Variants in PI4KA observed in about 807,000 individuals in gnomAD.
PI4KA encodes the protein PI4-kinase alpha.
In PI4KA, 122 loss-of-function variants were observed where a neutral mutation model predicts 271.4. That is an observed-to-expected ratio of 0.45 (90% CI 0.39 to 0.52). The LOEUF (loss-of-function observed/expected upper bound fraction) is 0.52. PI4KA is among the 20% of genes least tolerant of loss of function. The pLI is 0.00. For missense variants in PI4KA, 1,969 were observed against 2,769.1 expected, an observed-to-expected ratio of 0.71 and a Z score of 6.48; for synonymous variants, 1,041 against 1,078.8, an observed-to-expected ratio of 0.96 and a Z score of 0.69.
chr22:20,715,745 G>A (rs1293115325), intron 45 of PI4KA, among the ~76,000 whole-genome samples: 1 of 151,956 alleles, frequency 6.6e-6, no homozygotes, highest in Non-Finnish European at 1.5e-5. Context: ...AAAGTGCTGG[G>A]ATTAAGGCAT....
chr22:20,790,380 G>A (rs1456826349), intron 19 of PI4KA, among the ~76,000 whole-genome samples: 4 of 152,014 alleles, frequency 2.6e-5, no homozygotes, highest in African/African-American at 4.8e-5. Flanking sequence ...AAATAAGTAG[G>A]CCAGGAGTGG....
intron 2 of PI4KA, among the ~76,000 whole-genome samples, chr22:20,834,940 G>T (rs1924667537): frequency 1.3e-5 from 2 of 152,186 alleles, no homozygotes; most frequent in East Asian, 3.9e-4. Context: ...GGCCTCTTCT[G>T]GGGGCTGGGC....
chr22:20,824,172 C>T (rs1923076664), intron 4 of PI4KA, among the ~76,000 whole-genome samples, 154 bp downstream of exon 4: 1 of 151,250 alleles, frequency 6.6e-6, no homozygotes, highest in African/African-American at 2.4e-5. Flanking sequence ...AGTGAAAGAC[C>T]TAAGCATGTC....
chr22:20,852,096 C>G (rs543625053), intron 1 of PI4KA, among the ~76,000 whole-genome samples: 1 of 152,172 alleles, frequency 6.6e-6, no homozygotes, highest in Admixed American at 6.5e-5. Flanking sequence ...TGCACTCCAG[C>G]CTGGGTGACA....
chr22:20,799,485 C>G (rs1334581068), intron 15 of PI4KA, among the ~76,000 whole-genome samples, 186 bp downstream of exon 15: 3 of 152,176 alleles, frequency 2.0e-5, no homozygotes, highest in Admixed American at 1.3e-4. Flanking sequence ...TCGACTTCCA[C>G]ACAGTGGTCC....
intron 23 of PI4KA, among the ~76,000 whole-genome samples, chr22:20,758,403 G>T (rs1931562179): frequency 1.5e-5 from 2 of 134,258 alleles, no homozygotes; most frequent in African/African-American, 2.8e-5. Flanking sequence ...GAGATTCTGT[G>T]TCTTAAATGT....
chr22:20,708,203 C>T, intron 54 of PI4KA, 105 bp from the exon 55 acceptor site: 1 of 869,542 alleles, frequency 1.2e-6, no homozygotes, highest in Non-Finnish European at 2.0e-6. Flanking sequence ...TATGGCTGCC[C>T]AGCACCTGAA....
intron 7 of PI4KA, among the ~76,000 whole-genome samples, chr22:20,814,493 T>C (rs975467859): frequency 2.0e-5 from 3 of 152,206 alleles, no homozygotes; most frequent in African/African-American, 7.2e-5. Context: ...CTCATGCCTA[T>C]AAACCCAGAG....
At chr22:20,831,173 AG>A (rs1924111770) in intron 3 of PI4KA, among the ~76,000 whole-genome samples, 1 of 152,202 alleles carries the variant, frequency 6.6e-6, no homozygotes, top group African/African-American at 2.4e-5. Context: ...GAAATCCCTT[AG>A]CATGTGCTTG....
At chr22:20,858,025 A>AT (rs1311482708) in intron 1 of PI4KA, among the ~76,000 whole-genome samples, 1 of 152,168 alleles carries the variant, frequency 6.6e-6, no homozygotes, top group African/African-American at 2.4e-5. Context: ...GCCTCGTAGA[A>AT]TAACACTGCG....
chr22:20,787,783 A>G (rs1210300903), intron 19 of PI4KA: 2 of 155,956 alleles, frequency 1.3e-5, no homozygotes, highest in African/African-American at 4.8e-5. Context: ...AAATTCCTGG[A>G]TAACTCCAGG....
chr22:20,780,397 T>C (rs1159801798), intron 19 of PI4KA, among the ~76,000 whole-genome samples: 1 of 152,246 alleles, frequency 6.6e-6, no homozygotes, highest in Non-Finnish European at 1.5e-5. Context: ...GCCCTAACTC[T>C]GTGCTTTAAC....
At chr22:20,812,514 A>G (rs1019556166) in intron 8 of PI4KA, among the ~76,000 whole-genome samples, 1 of 152,052 alleles carries the variant, frequency 6.6e-6, no homozygotes, top group African/African-American at 2.4e-5. Context: ...GTCTTGAACC[A>G]TCCTAGCTTG....
intron 6 of PI4KA, among the ~76,000 whole-genome samples, chr22:20,818,986 G>T (rs1047127416): frequency 1.3e-5 from 2 of 152,218 alleles, no homozygotes; most frequent in African/African-American, 4.8e-5. Flanking sequence ...GGCGACAAAG[G>T]AATGAGAAGA....
rs1187564633 is a variant in PI4KA at position 20,796,227 on chromosome 22, G to C, written c.2196C>G (p.Asn732Lys). The change falls in exon 18 of 55, where the codon AAC (asparagine) becomes AAG (lysine). Residue 732 changes from asparagine (N) to lysine (K), a missense_variant. By Grantham distance (94) the Asn-to-Lys change is moderately conservative. Around this residue, in one of 13 missense-constraint regions of PI4KA, gnomAD observed 368 missense variants for 544.3 expected, o/e 0.68. Transcript: ENST00000255882. ...CCAGCTGCACAAACAACTCCAACAG[G>C]TTCATGAGCAGCTCATCCACCAGGT... is the stretch of plus-strand genomic sequence containing the variant. ...DEHLVDELLM[N>K]LLELFVQLGL... 5 of 1,614,094 alleles carry C rather than the reference G, an allele frequency of 3.1e-6. No homozygotes were observed. The South Asian group carries it at 5.5e-5, about 18-fold the overall frequency.
intron 41 of PI4KA, among the ~76,000 whole-genome samples, chr22:20,726,786 A>G (rs930042012): frequency 6.6e-6 from 1 of 152,200 alleles, no homozygotes; most frequent in African/African-American, 2.4e-5. Context: ...AGCCTGCCTC[A>G]GGGAATGGTC....
At position 20,819,686 on chromosome 22, in the gene PI4KA, C is replaced by G. The variant is rs1429021198; in HGVS notation, c.744G>C (p.Glu248Asp). 5.0e-6 allele frequency: 8 copies of G among 1,614,024 alleles called. No homozygotes were observed. The highest frequency in any genetic ancestry group is 4.5e-5 in the East Asian group (2 of 44,880). The change falls in exon 6 of 55, where the codon GAG becomes GAC. Residue 248 changes from glutamate (E) to aspartate (D), a missense_variant. Glu to Asp is a conservative substitution (Grantham distance 45, BLOSUM62 2). Around this residue, in one of 13 missense-constraint regions of PI4KA, gnomAD observed 540 missense variants for 555.5 expected, o/e 0.97. Coordinates refer to ENST00000255882, the MANE Select transcript of PI4KA (RefSeq NM_058004.4). ...TGCTGGTTTTCCTCTTCAGGGTACC[C>G]TCCTGACAGACAGTCAGCAGATTGC... ...LPSNLLTVCQ[E>D]GTLKRKTSSV...
intron 19 of PI4KA, chr22:20,779,164 C>T: frequency 1.3e-6 from 2 of 1,547,480 alleles, no homozygotes; most frequent in East Asian, 2.4e-5. Context: ...GTCCATGATC[C>T]TAAAACAGTT....
At chr22:20,836,045 C>A (rs1368503832) in intron 2 of PI4KA, among the ~76,000 whole-genome samples, 1 of 113,530 alleles carries the variant, frequency 8.8e-6, no homozygotes, top group South Asian at 2.7e-4. Context: ...GAGAGAGACT[C>A]CATTTCAAAA....
Sources: allele counts gnomAD v4.1 joint callset (sites outside exome capture counted in the v4.1 genomes callset), GRCh38; gene constraint gnomAD v4.1.1; regional missense constraint gnomAD v4.1.1; transcripts MANE v1.5; gene names NCBI Gene and HGNC (gene_info 2026-07-23, HGNC 2026-07-21).